KCNIP4: variants seen among roughly 807,000 people sequenced by gnomAD.
KCNIP4 encodes the protein potassium voltage-gated channel interacting protein 4.
KCNIP4 carries 12 observed loss-of-function variants against 34.0 expected under a neutral mutation model. The ratio of observed to expected loss-of-function variants is 0.35; its 90% CI spans 0.23 to 0.57. KCNIP4 has a LOEUF of 0.57. KCNIP4 is among the 20% of genes least tolerant of loss of function. The pLI is 0.83. For synonymous variants in KCNIP4, 124 were observed against 102.2 expected (o/e 1.21, Z -1.29); for missense variants, 238 against 311.7 (o/e 0.76, Z 1.78).
At chr4:20,850,143 T>A (rs1230348890) in intron 3 of KCNIP4, among the ~76,000 whole-genome samples, 1 of 152,174 alleles carries the variant, frequency 6.6e-6, no homozygotes, top group Non-Finnish European at 1.5e-5. Flanking sequence ...ACAGTAATTA[T>A]CCTCCAATTC....
intron 5 of KCNIP4, among the ~76,000 whole-genome samples, chr4:20,744,780 A>G (rs1202436968): frequency 6.6e-6 from 1 of 152,158 alleles, no homozygotes; most frequent in Non-Finnish European, 1.5e-5. Flanking sequence ...TAATAAAAAT[A>G]TAAAATAAAA....
chr4:20,821,854 ATG>A (rs139608764), intron 3 of KCNIP4, among the ~76,000 whole-genome samples: 17 of 150,396 alleles, frequency 1.1e-4, no homozygotes, highest in Admixed American at 1.3e-4. Context: ...GTGTGTGTGT[ATG>A]TGTGTGTGTG....
At chr4:21,305,569 G>A (rs556543112) in intron 1 of KCNIP4, among the ~76,000 whole-genome samples, 1 of 152,286 alleles carries the variant, frequency 6.6e-6, no homozygotes, top group East Asian at 1.9e-4. Flanking sequence ...CTCTTAATCA[G>A]AAACCTTCCA....
At position 21,947,752 on chromosome 4, in the gene KCNIP4, C is replaced by T. The variant is rs186495707; in HGVS notation, c.61+819G>A. Reference sequence around the variant, plus strand: ...TCCAGCCCTTTATCACTCTCATGTGCCCCAAAATCACTTCCATTCTCTTTC... The same window carrying T: ...TCCAGCCCTTTATCACTCTCATGTGTCCCAAAATCACTTCCATTCTCTTTC... On this transcript the variant is annotated intron_variant, in intron 1 of 8. Transcript: ENST00000382152. Among the ~76,000 whole-genome samples, 1,076 of 152,258 alleles carry T rather than the reference C, an allele frequency of 7.1e-3. 6 individuals carry two copies. Among genetic ancestry groups the T allele is most frequent in the South Asian group, 0.025 (120 of 4,818 alleles).
chr4:21,589,194 A>AAG (rs1560540251), intron 1 of KCNIP4, among the ~76,000 whole-genome samples: 5 of 47,278 alleles, frequency 1.1e-4, no homozygotes, highest in East Asian at 2.7e-3. Flanking sequence ...ATATATATAT[A>AAG]TATATATGTG....
At chr4:21,568,158 T>A (rs1740064099) in intron 1 of KCNIP4, among the ~76,000 whole-genome samples, 1 of 152,136 alleles carries the variant, frequency 6.6e-6, no homozygotes, top group African/African-American at 2.4e-5. Flanking sequence ...GTGAACTTAA[T>A]AAGTGACAAT....
At chr4:21,296,978 ATT>A (rs915037985) in intron 1 of KCNIP4, among the ~76,000 whole-genome samples, 1 of 151,562 alleles carries the variant, frequency 6.6e-6, no homozygotes, top group African/African-American at 2.4e-5. Context: ...GTGTGTATAT[ATT>A]TATATATGTA....
At chr4:20,801,581 G>A (rs932070379) in intron 3 of KCNIP4, among the ~76,000 whole-genome samples, 2 of 152,076 alleles carry the variant, frequency 1.3e-5, no homozygotes, top group Non-Finnish European at 2.9e-5. Context: ...TAGAGTTTTT[G>A]TATGTGATAG....
chr4:21,034,590 G>T (rs971730230), intron 1 of KCNIP4, among the ~76,000 whole-genome samples: 13 of 152,078 alleles, frequency 8.5e-5, no homozygotes, highest in African/African-American at 2.7e-4. Context: ...GGGTGACTGG[G>T]GACAGCCTGA....
chr4:21,193,571 A>ATTTTTTTTTTTTTTT (rs71655619), intron 1 of KCNIP4, among the ~76,000 whole-genome samples: 2 of 119,238 alleles, frequency 1.7e-5, no homozygotes, highest in South Asian at 2.7e-4. Context: ...GCAATTTTAA[A>ATTTTTTTTTTTTTTT]TTTTTTTTTT....
intron 1 of KCNIP4, among the ~76,000 whole-genome samples, chr4:21,538,650 T>C (rs977425802): frequency 2.6e-5 from 4 of 152,152 alleles, no homozygotes; most frequent in African/African-American, 9.7e-5. Context: ...TATATTGTGA[T>C]ATAATAAAAT....
At chr4:21,235,135 T>C (rs983296909) in intron 1 of KCNIP4, among the ~76,000 whole-genome samples, 1 of 152,208 alleles carries the variant, frequency 6.6e-6, no homozygotes, top group African/African-American at 2.4e-5. Flanking sequence ...GTCTATTGGC[T>C]ATGAAGTCAC....
chr4:21,188,535 G>A (rs1449644859), intron 1 of KCNIP4, among the ~76,000 whole-genome samples: 1 of 152,150 alleles, frequency 6.6e-6, no homozygotes, highest in East Asian at 1.9e-4. Flanking sequence ...GCTACATGTA[G>A]AGAATTGCTA....
At chr4:21,201,647 C>T (rs563675109) in intron 1 of KCNIP4, among the ~76,000 whole-genome samples, 10 of 152,152 alleles carry the variant, frequency 6.6e-5, no homozygotes, top group South Asian at 4.2e-4. Flanking sequence ...TACAGTTGCC[C>T]GCCACCATGC....
At chr4:21,577,873 C>A (rs2109064726) in intron 1 of KCNIP4, among the ~76,000 whole-genome samples, 1 of 152,262 alleles carries the variant, frequency 6.6e-6, no homozygotes, top group South Asian at 2.1e-4. Context: ...TCATGTGCTA[C>A]ATCCTGCTCT....
intron 1 of KCNIP4, among the ~76,000 whole-genome samples, chr4:21,481,505 G>A (rs1731425586): frequency 6.6e-6 from 1 of 152,164 alleles, no homozygotes; most frequent in South Asian, 2.1e-4. Context: ...ATCTCTCATA[G>A]CCCTGGAGTT....
intron 1 of KCNIP4, among the ~76,000 whole-genome samples, chr4:21,560,409 T>G (rs911882344): frequency 2.0e-5 from 3 of 152,108 alleles, no homozygotes; most frequent in African/African-American, 7.2e-5. Flanking sequence ...TAAGTGCCTA[T>G]TATAGATCAA....
chr4:21,599,723 G>C lies in KCNIP4; in HGVS notation c.61+348848C>G, dbSNP rs149780201. Among the ~76,000 whole-genome samples, 897 of 152,212 alleles carry C rather than the reference G, an allele frequency of 5.9e-3. 13 individuals carry two copies. The highest frequency in any genetic ancestry group is 0.02 in the African/African-American group (842 of 41,538). On this transcript the variant is annotated intron_variant, in intron 1 of 8. Transcript: ENST00000382152. ...GTGAGTTCAATAATTGTTCTGAGCA[G>C]AGTTGCTCTGGCCAAGCTGACTGCT...
chr4:20,951,769 G>T (rs949203862), intron 1 of KCNIP4, among the ~76,000 whole-genome samples: 2 of 152,202 alleles, frequency 1.3e-5, no homozygotes, highest in African/African-American at 2.4e-5. Context: ...GCAAGAAAAT[G>T]AGGGAAGAAA....
Sources: gnomAD v4.1 joint callset for allele counts (sites outside exome capture counted in the v4.1 genomes callset) on GRCh38, gnomAD v4.1.1 for gene constraint, MANE v1.5 for transcripts, NCBI Gene and HGNC (gene_info 2026-07-23, HGNC 2026-07-21) for gene names.